Variants in GPC6 observed in about 807,000 individuals in gnomAD.
GPC6 encodes the protein glypican-6.
A neutral mutation model predicts 55.2 loss-of-function variants in GPC6; 14 were observed. The observed-to-expected ratio is 0.25, with a 90% CI of 0.17 to 0.40. The LOEUF (loss-of-function observed/expected upper bound fraction) is 0.40. GPC6 is among the 10% of genes least tolerant of loss of function. The pLI, the probability that GPC6 is intolerant of heterozygous loss-of-function variation, is 1.00. For synonymous variants in GPC6, 278 were observed against 259.6 expected, an observed-to-expected ratio of 1.07 and a Z score of -0.68; for missense variants, 641 against 708.5, an observed-to-expected ratio of 0.90 and a Z score of 1.08.
At chr13:93,285,473 CA>C (rs1878079612) in intron 1 of GPC6, among the ~76,000 whole-genome samples, 1 of 152,050 alleles carries the variant, frequency 6.6e-6, no homozygotes, top group Admixed American at 6.6e-5. Context: ...CCTAGTTTGT[CA>C]ATTAGACTAC....
At chr13:93,321,520 T>A (rs1188840765) in intron 1 of GPC6, among the ~76,000 whole-genome samples, 1 of 152,214 alleles carries the variant, frequency 6.6e-6, no homozygotes, top group Non-Finnish European at 1.5e-5. Context: ...TCAAATATAC[T>A]ATTTTTAGAA....
At chr13:93,514,876 A>T (rs938690084) in intron 1 of GPC6, among the ~76,000 whole-genome samples, 2 of 152,152 alleles carry the variant, frequency 1.3e-5, no homozygotes, top group African/African-American at 4.8e-5. Context: ...CAAACAAACA[A>T]AAACACATTT....
At chr13:93,832,316 C>A (rs938085302) in intron 3 of GPC6, among the ~76,000 whole-genome samples, 1 of 150,642 alleles carries the variant, frequency 6.6e-6, no homozygotes, top group African/African-American at 2.4e-5. Flanking sequence ...TCCATATTTT[C>A]TTGAGTAGAT....
intron 6 of GPC6, among the ~76,000 whole-genome samples, chr13:94,343,568 G>C (rs2139159205): frequency 6.6e-6 from 1 of 152,326 alleles, no homozygotes; most frequent in Admixed American, 6.5e-5. Flanking sequence ...CGAAGAGCAT[G>C]AAATAGGGAA....
At chr13:94,241,617 T>C (rs1004528069) in intron 4 of GPC6, among the ~76,000 whole-genome samples, 2 of 152,136 alleles carry the variant, frequency 1.3e-5, no homozygotes, top group African/African-American at 2.4e-5. Flanking sequence ...CCATCAAAGA[T>C]GGCCAGAGAC....
intron 3 of GPC6, among the ~76,000 whole-genome samples, chr13:93,872,994 G>T (rs1304241194): frequency 6.6e-6 from 1 of 151,760 alleles, no homozygotes; most frequent in African/African-American, 2.4e-5. Flanking sequence ...TTCAACAAAA[G>T]CTACAAAATT....
At chr13:93,685,670 G>T (rs1215464378) in intron 2 of GPC6, among the ~76,000 whole-genome samples, 1 of 152,036 alleles carries the variant, frequency 6.6e-6, no homozygotes, top group Non-Finnish European at 1.5e-5. Flanking sequence ...TGATGAGCCT[G>T]GAGTCGCTAG....
At chr13:93,851,425 A>T (rs1004062151) in intron 3 of GPC6, among the ~76,000 whole-genome samples, 1 of 151,888 alleles carries the variant, frequency 6.6e-6, no homozygotes, top group East Asian at 1.9e-4. Context: ...TTGGCATAGC[A>T]CTTTGTTAGA....
intron 2 of GPC6, among the ~76,000 whole-genome samples, chr13:93,809,355 G>A (rs986978840): frequency 3.3e-5 from 5 of 152,172 alleles, no homozygotes; most frequent in African/African-American, 1.2e-4. Context: ...TTTCAGTTAA[G>A]ACTTTCTTTA....
intron 1 of GPC6, among the ~76,000 whole-genome samples, chr13:93,496,467 C>A (rs1027719517): frequency 6.6e-6 from 1 of 152,190 alleles, no homozygotes; most frequent in Admixed American, 6.5e-5. Context: ...AGAAATCACC[C>A]GTCTTCTGCG....
intron 2 of GPC6, among the ~76,000 whole-genome samples, chr13:93,781,521 G>A (rs1176612605): frequency 2.0e-5 from 3 of 152,080 alleles, no homozygotes; most frequent in Non-Finnish European, 4.4e-5. Flanking sequence ...TGTCCCTAGA[G>A]TTGGGGTCCT....
At chr13:93,502,684 C>T (rs1011134549) in intron 1 of GPC6, among the ~76,000 whole-genome samples, 32 of 152,172 alleles carry the variant, frequency 2.1e-4, no homozygotes, top group Admixed American at 4.6e-4. Context: ...TATGTTATAA[C>T]GTTTTTCTGT....
intron 1 of GPC6, among the ~76,000 whole-genome samples, chr13:93,329,758 T>C (rs1361335095): frequency 6.6e-6 from 1 of 152,130 alleles, no homozygotes; most frequent in East Asian, 1.9e-4. Context: ...CCTAGTGTTA[T>C]GTGTCCATCA....
At chr13:93,557,176 TTTATAA>T (rs1373494422) in intron 2 of GPC6, among the ~76,000 whole-genome samples, 1 of 152,194 alleles carries the variant, frequency 6.6e-6, no homozygotes, top group Non-Finnish European at 1.5e-5. Flanking sequence ...TGTTAAATAG[TTTATAA>T]TTATAAAATG....
chr13:94,367,820 T>C (rs184769528), intron 6 of GPC6, among the ~76,000 whole-genome samples: 1 of 152,236 alleles, frequency 6.6e-6, no homozygotes, highest in East Asian at 1.9e-4. Flanking sequence ...TTCTTAGTCT[T>C]TCCTACAAAA....
intron 5 of GPC6, among the ~76,000 whole-genome samples, chr13:94,291,626 T>C (rs1228300773): frequency 6.6e-6 from 1 of 152,192 alleles, no homozygotes. Context: ...GCCACATCCA[T>C]GAAATTATAA....
intron 1 of GPC6, among the ~76,000 whole-genome samples, chr13:93,368,836 A>G (rs1325938829): frequency 6.6e-6 from 1 of 152,118 alleles, no homozygotes; most frequent in Non-Finnish European, 1.5e-5. Context: ...TGTCATCTGT[A>G]GGCATTTGCT....
chr13:93,364,973 TG>T (rs1288914269), intron 1 of GPC6, among the ~76,000 whole-genome samples: 3 of 152,074 alleles, frequency 2.0e-5, no homozygotes, highest in African/African-American at 4.8e-5. Context: ...TTCACACTAC[TG>T]GTTTTCTAGT....
intron 4 of GPC6, among the ~76,000 whole-genome samples, chr13:94,204,890 A>C (rs1889856366): frequency 1.3e-5 from 2 of 152,164 alleles, no homozygotes; most frequent in African/African-American, 4.8e-5. Context: ...CTTAGAAAAC[A>C]CTTTTCTCAA....
Sources: allele counts gnomAD v4.1 joint callset (sites outside exome capture counted in the v4.1 genomes callset), GRCh38; gene constraint gnomAD v4.1.1; transcripts MANE v1.5; gene names NCBI Gene and HGNC (gene_info 2026-07-23, HGNC 2026-07-21).